The following MDM1 variants were observed in gnomAD, a reference collection of about 807,000 sequenced individuals.
The protein encoded by MDM1 is stabilizer of axonemal microtubules 6.
Under a neutral mutation model 89.1 loss-of-function variants are expected in MDM1, and 61 were observed. The ratio of observed to expected loss-of-function variants is 0.68; its 90% CI spans 0.56 to 0.85. The LOEUF (loss-of-function observed/expected upper bound fraction) is 0.85. Ranked by LOEUF, MDM1 falls within the 40% of genes least tolerant of loss-of-function variation. The pLI is 0.00. For synonymous variants in MDM1, 290 were observed against 294.1 expected, an observed-to-expected ratio of 0.99 and a Z score of 0.14; for missense variants, 820 against 846.5, an observed-to-expected ratio of 0.97 and a Z score of 0.39.
chr12:68,332,051 G>T, intron 1 of MDM1, 177 bp downstream of exon 1: 1 of 787,144 alleles, frequency 1.3e-6, no homozygotes, highest in Non-Finnish European at 2.2e-6. Flanking sequence ...GAGCGGAGAG[G>T]GAACTAGGTT....
chr12:68,325,030 T>C (rs1000559468), intron 4 of MDM1: 12 of 979,924 alleles, frequency 1.2e-5, no homozygotes, highest in Non-Finnish European at 1.5e-5. Context: ...TTTGTATTTA[T>C]TAAATATTCA....
chr12:68,332,327 C>T lies in MDM1; in HGVS notation c.-82G>A, dbSNP rs1156443542. On this transcript the variant is annotated 5_prime_UTR_variant, in exon 1 of 15. Transcript: ENST00000682720. ...AGGGGGCGGGGCGATAACAGTGTTC[C>T]CTAGCAAAGCCTCGGCCCGGCGTCC... is the stretch of plus-strand genomic sequence containing the variant. 6 of 1,450,802 alleles carry T rather than the reference C, an allele frequency of 4.1e-6. No individual in the cohort carries two copies. The highest frequency in any genetic ancestry group is 5.5e-6 in the Non-Finnish European group (6 of 1,087,906). 89.9% of individuals were successfully genotyped at this position (1,450,802 alleles called of 1,614,324 possible). A position where few individuals can be genotyped will look rare whatever the true frequency, so the allele number is the denominator to read the frequency against.
intron 4 of MDM1, among the ~76,000 whole-genome samples, chr12:68,323,764 C>T (rs1035704891): frequency 2.6e-5 from 4 of 152,130 alleles, no homozygotes; most frequent in African/African-American, 4.8e-5. Context: ...TTCTATTTCA[C>T]GGCATATTAC....
chr12:68,318,235 G>A lies in MDM1; in HGVS notation c.1006-1625C>T, dbSNP rs553024761. On this transcript the variant is annotated intron_variant, in intron 7 of 14. Transcript: ENST00000682720. ...GTAAGTTGAAGGAGTAGTTCAAAAGGGGGACCAATCAGTCCTGCACTGTGT... is the reference window on the plus strand; with the variant it reads ...GTAAGTTGAAGGAGTAGTTCAAAAGAGGGACCAATCAGTCCTGCACTGTGT... 2.6e-4 allele frequency among the ~76,000 whole-genome samples: 40 copies of A among 152,270 alleles called. No homozygotes were observed. In the South Asian group the frequency reaches 2.7e-3, roughly 10 times the overall value.
chr12:68,323,449 C>A, intron 4 of MDM1: 1 of 414,980 alleles, frequency 2.4e-6, no homozygotes, highest in Non-Finnish European at 4.2e-6. Context: ...GTTTTGTAAT[C>A]AAAATATAGC....
chr12:68,331,286 G>C (rs1034227455), intron 1 of MDM1, 65 bp from the exon 2 acceptor site: 1 of 942,154 alleles, frequency 1.1e-6, no homozygotes, highest in African/African-American at 1.6e-5. Flanking sequence ...AGCAGACATC[G>C]GTGAAAAATA....
Position 68,325,426 on chromosome 12 carries a change from C to A in MDM1, c.633+15G>T. 6.5e-7 allele frequency: 1 copy of A among 1,535,928 alleles called. No homozygotes were observed. The highest frequency in any genetic ancestry group is 8.8e-7 in the Non-Finnish European group (1 of 1,142,354). ...GATAATGGTACTCAGAAATGTATTA[C>A]ATCCATTAAGCTACCTGATTGGCTG... On this transcript the variant is annotated intron_variant, in intron 4 of 14. Coordinates refer to ENST00000682720, the MANE Select transcript of MDM1 (RefSeq NM_001354969.2).
intron 12 of MDM1, among the ~76,000 whole-genome samples, chr12:68,304,415 T>C (rs1439983451): frequency 6.6e-6 from 1 of 152,208 alleles, no homozygotes; most frequent in Non-Finnish European, 1.5e-5. Flanking sequence ...TTAGATATCA[T>C]TTTCTGTGAT....
intron 7 of MDM1, among the ~76,000 whole-genome samples, chr12:68,320,033 CAA>C (rs1303208019): frequency 2.0e-5 from 3 of 152,190 alleles, no homozygotes; most frequent in Non-Finnish European, 4.4e-5. Context: ...GTCTTCAAAA[CAA>C]AGAGTTTCTC....
At chr12:68,305,855 A>G (rs1213575376) in intron 12 of MDM1, among the ~76,000 whole-genome samples, 1 of 151,638 alleles carries the variant, frequency 6.6e-6, no homozygotes, top group Non-Finnish European at 1.5e-5. Context: ...TGCAATTCCT[A>G]TCCAATTACC....
chr12:68,332,297 C>T lies in MDM1; in HGVS notation c.-52G>A, dbSNP rs1876972006. The T allele has an allele frequency of 4.5e-6, 7 of 1,548,006 alleles. No individual in the cohort carries two copies. The Admixed American group carries it at 8.0e-5, about 18-fold the overall frequency. On this transcript the variant is annotated 5_prime_UTR_variant, in exon 1 of 15. Coordinates refer to ENST00000682720, the MANE Select transcript of MDM1 (RefSeq NM_001354969.2). ...CTCCGACAGTTAACTGGAGAAAAAG[C>T]TCCGAGGGGGCGGGGCGATAACAGT...
chr12:68,319,499 G>C (rs1439103912), intron 7 of MDM1, among the ~76,000 whole-genome samples: 1 of 152,170 alleles, frequency 6.6e-6, no homozygotes, highest in African/African-American at 2.4e-5. Flanking sequence ...AATGTTAGGA[G>C]TGGGAAAATG....
chr12:68,326,206 T>C (rs1224248660), intron 3 of MDM1: 1 of 1,085,312 alleles, frequency 9.2e-7, no homozygotes, highest in Non-Finnish European at 1.1e-6. Context: ...ATGCAAGATC[T>C]CTGAGAGACA....
chr12:68,330,442 G>A (rs1354966237), intron 2 of MDM1, among the ~76,000 whole-genome samples: 1 of 152,170 alleles, frequency 6.6e-6, no homozygotes, highest in African/African-American at 2.4e-5. Flanking sequence ...ATATGTCTAC[G>A]TGTAAGTGTG....
intron 2 of MDM1, chr12:68,327,321 C>A: frequency 3.4e-6 from 5 of 1,468,518 alleles, no homozygotes; most frequent in Non-Finnish European, 4.5e-6. Flanking sequence ...ACGTGATAGA[C>A]CTGGCAGGCC....
chr12:68,319,532 T>G (rs1242262794), intron 7 of MDM1, among the ~76,000 whole-genome samples: 1 of 152,212 alleles, frequency 6.6e-6, no homozygotes, highest in Non-Finnish European at 1.5e-5. Flanking sequence ...ACCTTATATT[T>G]AGGAACCTCA....
chr12:68,315,754 T>A (rs1166987985), intron 9 of MDM1, among the ~76,000 whole-genome samples: 1 of 152,236 alleles, frequency 6.6e-6, no homozygotes, highest in Non-Finnish European at 1.5e-5. Flanking sequence ...CAGTCTCTAC[T>A]TTTTTATTGT....
At chr12:68,322,287 A>C (rs10506559) in intron 5 of MDM1, among the ~76,000 whole-genome samples, 26,604 of 152,176 alleles carry the variant, frequency 0.17, 2,799 homozygotes, top group Middle Eastern at 0.33. Flanking sequence ...TTCTGAGGTA[A>C]ATCATGTGAA....
At chr12:68,327,638 C>T in intron 2 of MDM1, 2 of 875,494 alleles carry the variant, frequency 2.3e-6, no homozygotes, top group Non-Finnish European at 3.5e-6. Context: ...TGCAGAATGA[C>T]AGCCACTGAG....
Sources: allele counts gnomAD v4.1 joint callset (sites outside exome capture counted in the v4.1 genomes callset), GRCh38; gene constraint gnomAD v4.1.1; transcripts MANE v1.5; gene names NCBI Gene and HGNC (gene_info 2026-07-23, HGNC 2026-07-21).